The following KIAA0232 variants were observed in gnomAD, a reference collection of about 807,000 sequenced individuals.
KIAA0232 encodes the protein KIAA0232.
A neutral mutation model predicts 122.0 loss-of-function variants in KIAA0232; 27 were observed. The ratio of observed to expected loss-of-function variants is 0.22; its 90% CI spans 0.16 to 0.31. The LOEUF is 0.31. KIAA0232 is among the 10% of genes least tolerant of loss of function. The pLI, the probability that KIAA0232 is intolerant of heterozygous loss-of-function variation, is 1.00. For synonymous variants in KIAA0232, 613 were observed against 587.6 expected (o/e 1.04, Z -0.63); for missense variants, 1,551 against 1,634.2 (o/e 0.95, Z 0.88).
At chr4:6,806,511 G>C (rs1717620505) in intron 2 of KIAA0232, among the ~76,000 whole-genome samples, 1 of 151,972 alleles carries the variant, frequency 6.6e-6, no homozygotes, top group South Asian at 2.1e-4. Flanking sequence ...GAGGCGGGTG[G>C]ATCACAAGGT....
intron 1 of KIAA0232, among the ~76,000 whole-genome samples, chr4:6,802,544 C>A (rs553845753): frequency 1.4e-4 from 21 of 151,542 alleles, no homozygotes; most frequent in African/African-American, 5.1e-4. Context: ...CTCAACCCCC[C>A]CCAACCCACC....
At chr4:6,787,897 C>T (rs147087188) in intron 1 of KIAA0232, among the ~76,000 whole-genome samples, 1 of 152,326 alleles carries the variant, frequency 6.6e-6, no homozygotes, top group African/African-American at 2.4e-5. Context: ...GCTTTCTCCT[C>T]CCAAGATTTT....
intron 2 of KIAA0232, among the ~76,000 whole-genome samples, chr4:6,820,936 G>A (rs1560173637): frequency 6.6e-6 from 1 of 152,202 alleles, no homozygotes; most frequent in Non-Finnish European, 1.5e-5. Flanking sequence ...CACATGATGG[G>A]GAGGGTAAGA....
At chr4:6,825,151 A>G (rs1718614599) in intron 3 of KIAA0232, among the ~76,000 whole-genome samples, 1 of 152,256 alleles carries the variant, frequency 6.6e-6, no homozygotes, top group East Asian at 1.9e-4. Flanking sequence ...ATGACAAATC[A>G]GTAGACTTAA....
chr4:6,856,626 G>A (rs1043001140), intron 4 of KIAA0232, among the ~76,000 whole-genome samples: 2 of 151,678 alleles, frequency 1.3e-5, no homozygotes, highest in Non-Finnish European at 2.9e-5. Flanking sequence ...TGCAATATTG[G>A]CTTCATTTTC....
At chr4:6,843,982 C>T (rs1375022361) in intron 4 of KIAA0232, among the ~76,000 whole-genome samples, 2 of 126,420 alleles carry the variant, frequency 1.6e-5, no homozygotes, top group African/African-American at 6.1e-5. Flanking sequence ...CTCTGTAGCC[C>T]AGGCTGAAGT....
chr4:6,838,293 A>T (rs976532525), intron 3 of KIAA0232, among the ~76,000 whole-genome samples: 1 of 151,638 alleles, frequency 6.6e-6, no homozygotes, highest in Non-Finnish European at 1.5e-5. Flanking sequence ...GGCTCAAGCA[A>T]TTCTCCCACC....
chr4:6,790,945 G>T, intron 1 of KIAA0232, among the ~76,000 whole-genome samples: 4 of 121,208 alleles, frequency 3.3e-5, no homozygotes, highest in East Asian at 2.5e-4. Flanking sequence ...TTTTGAGGCA[G>T]TCTTGCTCTG....
At chr4:6,816,206 A>T (rs184474085) in intron 2 of KIAA0232, among the ~76,000 whole-genome samples, 304 of 152,010 alleles carry the variant, frequency 2.0e-3, no homozygotes, top group African/African-American at 6.9e-3. Context: ...GGATTCAATT[A>T]CCTGAAAATT....
intron 4 of KIAA0232, among the ~76,000 whole-genome samples, chr4:6,844,442 CTTTTTTCT>C (rs1719847068): frequency 6.6e-6 from 1 of 151,438 alleles, no homozygotes; most frequent in African/African-American, 2.4e-5. Context: ...TTTTTCTTTT[CTTTTTTCT>C]TTTTTTGAGA....
At chr4:6,807,280 C>T (rs373083469) in intron 2 of KIAA0232, among the ~76,000 whole-genome samples, 4 of 152,318 alleles carry the variant, frequency 2.6e-5, no homozygotes, top group East Asian at 3.9e-4. Context: ...AAAATATTTG[C>T]TACTTCTCTT....
chr4:6,864,937 T>C (rs1721093071), intron 7 of KIAA0232, among the ~76,000 whole-genome samples: 2 of 151,912 alleles, frequency 1.3e-5, no homozygotes, highest in South Asian at 4.2e-4. Context: ...CTCTATGGAG[T>C]TCTCAAAAAT....
intron 1 of KIAA0232, among the ~76,000 whole-genome samples, chr4:6,798,623 C>T (rs371334953): frequency 2.2e-4 from 33 of 152,216 alleles, no homozygotes; most frequent in African/African-American, 7.7e-4. Flanking sequence ...GTGATTATCG[C>T]TCACTGCACC....
chr4:6,851,862 T>A (rs1200821122), intron 4 of KIAA0232, among the ~76,000 whole-genome samples: 1 of 152,010 alleles, frequency 6.6e-6, no homozygotes, highest in Non-Finnish European at 1.5e-5. Context: ...GGCTCAGAAG[T>A]TAAATAACTT....
intron 2 of KIAA0232, among the ~76,000 whole-genome samples, chr4:6,821,048 C>G (rs1433919847): frequency 6.6e-6 from 1 of 152,150 alleles, no homozygotes; most frequent in South Asian, 2.1e-4. Context: ...CTAATCACCT[C>G]TTAAAGGTCT....
intron 1 of KIAA0232, among the ~76,000 whole-genome samples, chr4:6,792,683 T>TTG (rs1560159694): frequency 7.4e-6 from 1 of 135,552 alleles, no homozygotes; most frequent in Non-Finnish European, 1.5e-5. Flanking sequence ...AGTCTTAGGT[T>TTG]TTTTTTTTTT....
intron 4 of KIAA0232, among the ~76,000 whole-genome samples, chr4:6,845,727 G>A (rs1217675062): frequency 6.6e-6 from 1 of 152,048 alleles, no homozygotes; most frequent in Admixed American, 6.6e-5. Context: ...TTTCTTCTTT[G>A]GACCAAAGTT....
At chr4:6,783,588 G>A (rs1178161872) in intron 1 of KIAA0232, among the ~76,000 whole-genome samples, 2 of 151,862 alleles carry the variant, frequency 1.3e-5, no homozygotes, top group African/African-American at 4.8e-5. Context: ...TCCTTTTGGG[G>A]CCCCGGGAAG....
chr4:6,837,842 G>T (rs1271515674), intron 3 of KIAA0232, among the ~76,000 whole-genome samples: 1 of 152,168 alleles, frequency 6.6e-6, no homozygotes. Flanking sequence ...CAGGGAGGTT[G>T]CAGTGAGCCG....
Sources: allele counts gnomAD v4.1 joint callset (sites outside exome capture counted in the v4.1 genomes callset), GRCh38; gene constraint gnomAD v4.1.1; transcripts MANE v1.5; gene names NCBI Gene and HGNC (gene_info 2026-07-23, HGNC 2026-07-21).